The following HRNR variants were observed in gnomAD, a reference collection of about 807,000 sequenced individuals.
HRNR encodes the protein hornerin.
HRNR carries 7 observed loss-of-function variants against 4.8 expected under a neutral mutation model. The observed-to-expected ratio is 1.47, with a 90% confidence interval of 0.83 to 2.75. HRNR has a LOEUF of 2.75. Ranked by LOEUF, HRNR falls within the 30% of genes most tolerant of loss-of-function variation. The pLI, the probability that HRNR is intolerant of heterozygous loss-of-function variation, is 0.00. For missense variants in HRNR, 2,879 were observed against 3,010.4 expected (o/e 0.96, Z 1.02); for synonymous variants, 1,023 against 1,242.7 (o/e 0.82, Z 3.72).
chr1:152,222,684 A>G (rs536727263), intron 2 of HRNR, among the ~76,000 whole-genome samples: 1 of 152,308 alleles, frequency 6.6e-6, no homozygotes, highest in East Asian at 1.9e-4. Context: ...CAGAAATCCA[A>G]ATTTAAGGAA....
rs779598334 is a variant in HRNR at position 152,219,588 on chromosome 1, C to G, written c.2041G>C (p.Gly681Arg). ...HSSSYGQHGS[G>R]SGWSSSNGPH... is the part of the protein sequence containing the mutation. ...CCATTGCTTGAAGACCAACCGGAGC[C>G]AGACCCATGTTGGCCGTAGCTGGAA... is the stretch of plus-strand genomic sequence containing the variant. The change falls in exon 3 of 3, where the codon GGC becomes CGC. Residue 681 changes from glycine to arginine, a missense_variant. Around this residue, in one of 8 missense-constraint regions of HRNR, gnomAD observed 2,646 missense variants for 1,377.7 expected, o/e 1.92. Transcript: ENST00000368801. The G allele has an allele frequency of 3.7e-6, 6 of 1,612,906 alleles. No individual in the cohort carries two copies. In the South Asian group the frequency reaches 5.5e-5, roughly 15 times the overall value.
In HRNR at chr1:152,219,682, A is replaced by G. The variant is rs1164657075; in HGVS notation, c.1947T>C (p.Tyr649=). 1.2e-6 allele frequency: 2 copies of G among 1,613,130 alleles called. No homozygotes were observed. The highest frequency in any genetic ancestry group is 1.3e-5 in the African/African-American group (1 of 74,856). The change falls in exon 3 of 3, where the codon TAT becomes TAC. Residue 649 remains tyrosine, a synonymous_variant. Transcript: ENST00000368801. ...HGSGSSQSSR[Y]GQQGSGSGQS... is the part of the protein sequence containing the mutation. ...GGCCAGATCCAGAGCCCTGTTGGCCATAGCGAGAAGACTGACTTGAGCCAG... is the reference window on the plus strand; with the variant it reads ...GGCCAGATCCAGAGCCCTGTTGGCCGTAGCGAGAAGACTGACTTGAGCCAG...
Position 152,212,962 on chromosome 1 carries a change from A to T in HRNR, c.*114T>A. ...TAAAGAAAGAGACAGAAATGCATTG[A>T]TTCACTTTTAGAACGAATTTCATGA... On this transcript the variant is annotated 3_prime_UTR_variant, in exon 3 of 3. Transcript: ENST00000368801. The T allele has an allele frequency of 7.2e-7, 1 of 1,389,352 alleles. No homozygotes were observed. Among genetic ancestry groups the T allele is most frequent in the Non-Finnish European group, 9.7e-7 (1 of 1,030,534 alleles). 86.1% of individuals were successfully genotyped at this position (1,389,352 alleles called of 1,614,324 possible).
chr1:152,220,591 A>G lies in HRNR; in HGVS notation c.1038T>C (p.Ser346=), dbSNP rs754767415. Reference sequence around the variant, plus strand: ...AGCCAGACTCATGTTGCCCAAAGCCAGAAGTCTGGCCTGAGCCAGACTCAT... The same window carrying G: ...AGCCAGACTCATGTTGCCCAAAGCCGGAAGTCTGGCCTGAGCCAGACTCAT... ...GHYESGSGQT[S]GFGQHESGSG... is the part of the protein sequence containing the mutation. The change falls in exon 3 of 3, where the codon TCT becomes TCC. Residue 346 remains serine (S), a synonymous_variant. Transcript: ENST00000368801. 13 of 1,608,124 alleles carry G rather than the reference A, an allele frequency of 8.1e-6. No individual in the cohort carries two copies. The highest frequency in any genetic ancestry group is 1.1e-5 in the Non-Finnish European group (13 of 1,175,800).
At chr1:152,222,632 A>AATATCTGACATCTGATATCTGAATATC (rs1266125130) in intron 2 of HRNR, among the ~76,000 whole-genome samples, 4 of 152,228 alleles carry the variant, frequency 2.6e-5, no homozygotes. Context: ...TGACACACTG[A>AATATCTGACATCTGATATCTGAATATC]ATATCTGACA....
In HRNR at chr1:152,221,029, C is replaced by T; in HGVS notation, c.600G>A (p.Gly200=). 2 of 1,613,406 alleles carry T rather than the reference C, an allele frequency of 1.2e-6. No homozygotes were observed. The highest frequency in any genetic ancestry group is 2.2e-5 in the East Asian group (1 of 44,850). The change falls in exon 3 of 3, where the codon GGG becomes GGA. Residue 200 remains glycine (G), a synonymous_variant. Transcript: ENST00000368801. The stretch of plus-strand genomic sequence containing the variant: ...CGTGTTGGCCATAGTTGGGAGACTG[C>T]CCTGACCCAGACCCACATTGGCCGC... ...SGRGQCGSGS[G]QSPNYGQHGS...
Position 152,218,884 on chromosome 1 carries a change from C to G in HRNR, c.2745G>C (p.Arg915=), listed in dbSNP as rs112131006. Residue 915 remains arginine, a synonymous_variant, in exon 3 of 3, where the codon CGG becomes CGC. Transcript: ENST00000368801. ...ACCCATGTCGGCCACTGCTGGAAGA[C>G]CGACCGGAGCCAGACCCATGTCGGC... The part of the protein sequence containing the change: ...SYGRHGSGSG[R]SSSSGRHGSG... 9 of 1,611,936 alleles carry G rather than the reference C, an allele frequency of 5.6e-6. No individual in the cohort carries two copies. Among genetic ancestry groups the G allele is most frequent in the Non-Finnish European group, 7.6e-6 (9 of 1,179,360 alleles).
rs747338134 is a variant in HRNR at position 152,221,248 on chromosome 1, A to G, written c.381T>C (p.Phe127=). ...KEENKRQESS[F]SHSSWSAGEN... ...CTCCTGCACTCCAACTTGAATGACT[A>G]AAAGAGGATTCTTGCCGTTTGTTCT... The change falls in exon 3 of 3, where the codon TTT becomes TTC. Residue 127 remains phenylalanine, a synonymous_variant. Coordinates refer to ENST00000368801, the MANE Select transcript of HRNR (RefSeq NM_001009931.3). 8 of 1,614,104 alleles carry G rather than the reference A, an allele frequency of 5.0e-6. No homozygotes were observed. The highest frequency in any genetic ancestry group is 1.7e-4 in the Middle Eastern group (1 of 6,060).
At position 152,218,359 on chromosome 1, in the gene HRNR, G is replaced by A. The variant is rs76046733; in HGVS notation, c.3270C>T (p.Gly1090=). ...ACTGACCTGAGCTAGCTCCATGTTG[G>A]CCACAGCTCGATGACTGTCCTGATG... The part of the protein sequence containing the change: ...GSTSGQSSSC[G]QHGASSGQSS... The change falls in exon 3 of 3, where the codon GGC becomes GGT. Residue 1090 remains glycine (G), a synonymous_variant. Transcript: ENST00000368801. The A allele has an allele frequency of 0.17, 275,607 of 1,607,002 alleles. 33,780 individuals are homozygous for A. The highest frequency in any genetic ancestry group is 0.57 in the East Asian group (25,527 of 44,480).
rs201126528 is a variant in HRNR at position 152,220,723 on chromosome 1, T to C, written c.906A>G (p.Gly302=). Residue 302 remains glycine (G), a synonymous_variant, in exon 3 of 3, where the codon GGA becomes GGG. Coordinates refer to ENST00000368801, the MANE Select transcript of HRNR (RefSeq NM_001009931.3). ...QSLGHGRQGS[G]SRQSPSHVRH... ...GGACGTGGCTAGGAGACTGGCGAGA[T>C]CCAGACCCTTGTCGGCCGTGGCCCA... 117 of 1,611,902 alleles carry C rather than the reference T, an allele frequency of 7.3e-5. No individual in the cohort carries two copies. The highest frequency in any genetic ancestry group is 9.6e-5 in the Non-Finnish European group (113 of 1,179,264).
At position 152,218,363 on chromosome 1, in the gene HRNR, C is replaced by T. The variant is rs770857664; in HGVS notation, c.3266G>A (p.Cys1089Tyr). ...ACCTGAGCTAGCTCCATGTTGGCCACAGCTCGATGACTGTCCTGATGTAGA... is the reference window on the plus strand; with the variant it reads ...ACCTGAGCTAGCTCCATGTTGGCCATAGCTCGATGACTGTCCTGATGTAGA... ...HGSTSGQSSS[C>Y]GQHGASSGQS... is the part of the protein sequence containing the mutation. The change falls in exon 3 of 3, where the codon TGT (cysteine) becomes TAT (tyrosine). Residue 1089 changes from cysteine (C) to tyrosine (Y), a missense_variant. Cys to Tyr is a radical substitution (Grantham distance 194). This residue lies in a region of HRNR where 2,646 missense variants were observed against 1,377.7 expected (regional missense o/e 1.92). Transcript: ENST00000368801. 8 of 1,611,756 alleles carry T rather than the reference C, an allele frequency of 5.0e-6. No individual in the cohort carries two copies. The highest frequency in any genetic ancestry group is 1.7e-5 in the Admixed American group (1 of 59,906).
Position 152,219,058 on chromosome 1 carries a change from A to C in HRNR, c.2571T>G (p.His857Gln), listed in dbSNP as rs147096675. The change falls in exon 3 of 3, where the codon CAT becomes CAG. Residue 857 changes from histidine to glutamine, a missense_variant. Physicochemically the swap from His to Gln is conservative, Grantham distance 24 (BLOSUM62 0). Transcript: ENST00000368801. Reference sequence around the variant, plus strand: ...TGGAAGATTGACCTGAGCTAGAGTCATGTTGGCCGGAGCTTGATGACTGCC... The same window carrying C: ...TGGAAGATTGACCTGAGCTAGAGTCCTGTTGGCCGGAGCTTGATGACTGCC... ...TSGQSSSSGQ[H>Q]DSSSGQSSSY... The C allele has an allele frequency of 6.2e-7, 1 of 1,613,256 alleles. No homozygotes were observed. Among genetic ancestry groups the C allele is most frequent in the East Asian group, 2.2e-5 (1 of 44,786 alleles).
rs369728338 is a variant in HRNR, at chr1:152,220,558, C to G, written c.1071G>C (p.Gln357His). ...GFGQHESGSGQSSGYSKHGSG... is the reference protein window; with the variant it reads ...GFGQHESGSGHSSGYSKHGSG... ...AACCATGCTTACTATAGCCAGAGGA[C>G]TGTCCTGAGCCAGACTCATGTTGCC... The change falls in exon 3 of 3, where the codon CAG becomes CAC. Residue 357 changes from glutamine to histidine, a missense_variant. Physicochemically the swap from Gln to His is conservative, Grantham distance 24. Around this residue, in one of 8 missense-constraint regions of HRNR, gnomAD observed 2,646 missense variants for 1,377.7 expected, o/e 1.92. Transcript: ENST00000368801. 3 of 1,611,358 alleles carry G rather than the reference C, an allele frequency of 1.9e-6. No individual in the cohort carries two copies. The highest frequency in any genetic ancestry group is 1.1e-5 in the South Asian group (1 of 90,806).
At position 152,219,166 on chromosome 1, in the gene HRNR, C is replaced by A; in HGVS notation, c.2463G>T (p.Glu821Asp). The A allele has an allele frequency of 1.2e-6, 2 of 1,613,084 alleles. No individual in the cohort carries two copies. Among genetic ancestry groups the A allele is most frequent in the Non-Finnish European group, 1.7e-6 (2 of 1,179,864 alleles). The change falls in exon 3 of 3, where the codon GAG becomes GAT. Residue 821 changes from glutamate to aspartate, a missense_variant. This residue lies in a region of HRNR where 2,646 missense variants were observed against 1,377.7 expected (regional missense o/e 1.92). Coordinates refer to ENST00000368801, the MANE Select transcript of HRNR (RefSeq NM_001009931.3). Reference protein sequence around the residue: ...SGQASGFGQHESGSGQGYSQH... With the variant: ...SGQASGFGQHDSGSGQGYSQH... ...GACTATAGCCCTGTCCTGAGCCAGA[C>A]TCGTGTTGCCCAAAACCAGAAGCCT...
rs919031307 is a variant in HRNR at position 152,212,550 on chromosome 1, C to G, written c.*526G>C. ...TGGTTTTGATAAGTAAAGACACTAC[C>G]GCTGCTGCATCTTTGCTTTCAGAGC... On this transcript the variant is annotated 3_prime_UTR_variant, in exon 3 of 3. Transcript: ENST00000368801. The G allele has an allele frequency of 6.2e-6, 1 of 161,790 alleles. No individual in the cohort carries two copies. The highest frequency in any genetic ancestry group is 1.4e-5 in the Non-Finnish European group (1 of 73,846). The allele number at this position is 161,790 out of a possible 1,614,324, so 10.0% of individuals were successfully genotyped here. A position where few individuals can be genotyped will look rare whatever the true frequency, so the allele number is the denominator to read the frequency against.
chr1:152,219,026 C>A lies in HRNR; in HGVS notation c.2603G>T (p.Gly868Val). The A allele has an allele frequency of 6.2e-7, 1 of 1,613,948 alleles. No homozygotes were observed. Among genetic ancestry groups the A allele is most frequent in the Non-Finnish European group, 8.5e-7 (1 of 1,179,964 alleles). Reference protein sequence around the residue: ...DSSSGQSSSYGQHESASHHAS... With the variant: ...DSSSGQSSSYVQHESASHHAS... ...GTGATGGGAGGCAGACTCATGCTGA[C>A]CATAGCTGGAAGATTGACCTGAGCT... The change falls in exon 3 of 3, where the codon GGT becomes GTT. Residue 868 changes from glycine to valine, a missense_variant. Gly to Val is a moderately radical substitution (Grantham distance 109, BLOSUM62 -3). This residue lies in a region of HRNR where 2,646 missense variants were observed against 1,377.7 expected (regional missense o/e 1.92). Transcript: ENST00000368801.
chr1:152,219,095 C>T lies in HRNR; in HGVS notation c.2534G>A (p.Gly845Glu). The change falls in exon 3 of 3, where the codon GGA becomes GAA. Residue 845 changes from glycine (G) to glutamate (E), a missense_variant. Gly to Glu is a moderately conservative substitution (Grantham distance 98). Coordinates refer to ENST00000368801, the MANE Select transcript of HRNR (RefSeq NM_001009931.3). ...SGHFSSQGRH[G>E]STSGQSSSSG... ...GCTTGATGACTGCCCTGACGTAGAT[C>T]CATGTCGTCCCTGGCTAGAGAAGTG... The T allele has an allele frequency of 6.2e-7, 1 of 1,613,388 alleles. No individual in the cohort carries two copies. Among genetic ancestry groups the T allele is most frequent in the Non-Finnish European group, 8.5e-7 (1 of 1,179,896 alleles).
chr1:152,220,672 G>T lies in HRNR; in HGVS notation c.957C>A (p.Ser319=). ...HVRHGSGSGH[S]SSHGQHGSGS... is the part of the protein sequence containing the mutation. ...CAGACCCGTGTTGGCCGTGGCTGGA[G>T]GAGTGCCCCGAACCGGACCCATGTC... Residue 319 remains serine, a synonymous_variant, in exon 3 of 3, where the codon TCC becomes TCA. Coordinates refer to ENST00000368801, the MANE Select transcript of HRNR (RefSeq NM_001009931.3). The T allele has an allele frequency of 6.2e-7, 1 of 1,611,678 alleles. No homozygotes were observed. Among genetic ancestry groups the T allele is most frequent in the African/African-American group, 1.3e-5 (1 of 74,746 alleles).
In HRNR at chr1:152,218,928, C is replaced by G. The variant is rs142336181; in HGVS notation, c.2701G>C (p.Gly901Arg). 6 of 1,612,456 alleles carry G rather than the reference C, an allele frequency of 3.7e-6. No homozygotes were observed. Among genetic ancestry groups the G allele is most frequent in the Non-Finnish European group, 3.4e-6 (4 of 1,179,158 alleles). Residue 901 changes from glycine (G) to arginine (R), a missense_variant, in exon 3 of 3, where the codon GGG (glycine) becomes CGG (arginine). Coordinates refer to ENST00000368801, the MANE Select transcript of HRNR (RefSeq NM_001009931.3). ...TGTCGGCCATAGCTGGGAGACTGCC[C>G]TGACCCAGACCCACGCTGGCCGTGG... ...PGHGQRGSGS[G>R]QSPSYGRHGS...
Sources: gnomAD v4.1 joint callset for allele counts (sites outside exome capture counted in the v4.1 genomes callset) on GRCh38, gnomAD v4.1.1 for gene constraint, gnomAD v4.1.1 regional missense constraint, MANE v1.5 for transcripts, NCBI Gene and HGNC (gene_info 2026-07-23, HGNC 2026-07-21) for gene names.